The following DSCAML1 variants were observed in gnomAD, a reference collection of about 807,000 sequenced individuals.
DSCAML1 encodes DS cell adhesion molecule like 1, also known as cell adhesion molecule DSCAML1.
Under a neutral mutation model 200.5 loss-of-function variants are expected in DSCAML1, and 38 were observed. The observed-to-expected ratio is 0.19, with a 90% CI of 0.15 to 0.25. The LOEUF is 0.25. Ranked by LOEUF, DSCAML1 falls within the 10% of genes least tolerant of loss-of-function variation. DSCAML1 has a pLI of 1.00. For missense variants in DSCAML1, 2,223 were observed against 2,858.8 expected, an observed-to-expected ratio of 0.78 and a Z score of 5.07; for synonymous variants, 1,215 against 1,165.0, an observed-to-expected ratio of 1.04 and a Z score of -0.87.
chr11:117,517,879 C>T (rs1240791001), intron 7 of DSCAML1, among the ~76,000 whole-genome samples: 1 of 152,216 alleles, frequency 6.6e-6, no homozygotes, highest in Non-Finnish European at 1.5e-5. Context: ...CTCTTGGAGG[C>T]TGCCTTCCTT....
chr11:117,672,793 G>C (rs1285115301), intron 3 of DSCAML1, among the ~76,000 whole-genome samples: 3 of 152,198 alleles, frequency 2.0e-5, no homozygotes, highest in African/African-American at 7.2e-5. Flanking sequence ...AAGACTCGGG[G>C]TATCATACAA....
At chr11:117,600,746 C>T (rs2051450407) in intron 3 of DSCAML1, among the ~76,000 whole-genome samples, 2 of 152,202 alleles carry the variant, frequency 1.3e-5, no homozygotes, top group African/African-American at 4.8e-5. Flanking sequence ...TGCCACGTGG[C>T]TGTGGAGATG....
intron 3 of DSCAML1, among the ~76,000 whole-genome samples, chr11:117,607,907 G>A (rs1393928312): frequency 6.6e-6 from 1 of 152,242 alleles, no homozygotes; most frequent in African/African-American, 2.4e-5. Flanking sequence ...AACCTCACAA[G>A]AGCATGTATG....
chr11:117,776,903 A>C lies in DSCAML1; in HGVS notation c.399T>G (p.Asp133Glu). ...FREPYTVRVE[D>E]QRSMRGNVAV... Reference sequence around the variant, plus strand: ...CCACGTTGCCACGCATTGACCTTTGATCCTCCACCCGGACGGTGTAGGGTT... The same window carrying C: ...CCACGTTGCCACGCATTGACCTTTGCTCCTCCACCCGGACGGTGTAGGGTT... Residue 133 changes from aspartate to glutamate, a missense_variant, in exon 3 of 33, where the codon GAT (aspartate) becomes GAG (glutamate). Physicochemically the swap from Asp to Glu is conservative, Grantham distance 45. Around this residue, in one of 7 missense-constraint regions of DSCAML1, gnomAD observed 579 missense variants for 721.5 expected, o/e 0.80. Coordinates refer to ENST00000651296, the MANE Select transcript of DSCAML1 (RefSeq NM_020693.4). 6.2e-7 allele frequency: 1 copy of C among 1,614,086 alleles called. No individual in the cohort carries two copies. Among genetic ancestry groups the C allele is most frequent in the Non-Finnish European group, 8.5e-7 (1 of 1,180,018 alleles).
At chr11:117,692,805 T>C (rs1423884589) in intron 3 of DSCAML1, among the ~76,000 whole-genome samples, 1 of 152,178 alleles carries the variant, frequency 6.6e-6, no homozygotes, top group Non-Finnish European at 1.5e-5. Flanking sequence ...TCCGTTGAAA[T>C]GACTCCCCTG....
rs1214370816 is a variant in DSCAML1 at position 117,518,362 on chromosome 11, A to G, written c.1510+104T>C. ...GAGAGAGACCTCTACTAAAATCAAA[A>G]TGACGATTAATAATAAGTACTAATC... On this transcript the variant is annotated intron_variant, in intron 7 of 32. Coordinates refer to ENST00000651296, the MANE Select transcript of DSCAML1 (RefSeq NM_020693.4). The surrounding 1 kb of genome is among the most constrained non-coding windows in gnomAD (Gnocchi z 6.3). 5.3e-6 allele frequency: 8 copies of G among 1,499,344 alleles called. No individual in the cohort carries two copies. Among genetic ancestry groups the G allele is most frequent in the East Asian group, 2.3e-5 (1 of 44,346 alleles). 92.9% of individuals were successfully genotyped at this position (1,499,344 alleles called of 1,614,324 possible).
At chr11:117,490,558 C>T (rs565825297) in intron 11 of DSCAML1, among the ~76,000 whole-genome samples, 1 of 152,174 alleles carries the variant, frequency 6.6e-6, no homozygotes, top group African/African-American at 2.4e-5. Flanking sequence ...GGGGCAGGCC[C>T]GCTCCTTGCA....
At chr11:117,598,160 C>T (rs192105054) in intron 3 of DSCAML1, among the ~76,000 whole-genome samples, 7 of 152,354 alleles carry the variant, frequency 4.6e-5, no homozygotes, top group Admixed American at 1.3e-4. Context: ...CTCCCTTCTC[C>T]TCCACTGTCC....
At chr11:117,493,394 G>A (rs2049226060) in intron 11 of DSCAML1, among the ~76,000 whole-genome samples, 1 of 149,912 alleles carries the variant, frequency 6.7e-6, no homozygotes. Flanking sequence ...TTAGCTCACT[G>A]CAACCTCCCC....
intron 19 of DSCAML1, among the ~76,000 whole-genome samples, chr11:117,458,519 G>A (rs2048417600): frequency 6.6e-6 from 1 of 152,018 alleles, no homozygotes; most frequent in Admixed American, 6.5e-5. Context: ...ATGCTGCAGA[G>A]AGCAGGTGTG....
At chr11:117,473,777 G>A (rs1181679212) in intron 14 of DSCAML1, among the ~76,000 whole-genome samples, 1 of 152,182 alleles carries the variant, frequency 6.6e-6, no homozygotes, top group Non-Finnish European at 1.5e-5. Flanking sequence ...TTTTCTCTTT[G>A]TATTTTAAAA....
At chr11:117,798,153 TC>T (rs147533651), upstream of DSCAML1, among the ~76,000 whole-genome samples, 1,206 of 152,328 alleles carry the variant, frequency 7.9e-3, 14 homozygotes, top group Middle Eastern at 0.031. Context: ...GATCCAGGTA[TC>T]CCTGAGAATG....
At chr11:117,512,677 CACACACACAT>C (rs1323450066) in intron 8 of DSCAML1, among the ~76,000 whole-genome samples, 132 of 71,180 alleles carry the variant, frequency 1.9e-3, no homozygotes, top group African/African-American at 5.4e-3. Flanking sequence ...CACACACACA[CACACACACAT>C]GCCTGCTATG....
At chr11:117,652,040 C>T (rs941061574) in intron 3 of DSCAML1, among the ~76,000 whole-genome samples, 1 of 152,188 alleles carries the variant, frequency 6.6e-6, no homozygotes, top group Non-Finnish European at 1.5e-5. Flanking sequence ...GTGCTCTTGG[C>T]CTTGCCTCCT....
chr11:117,781,499 C>G (rs962793648), intron 1 of DSCAML1, among the ~76,000 whole-genome samples: 1 of 152,178 alleles, frequency 6.6e-6, no homozygotes, highest in Non-Finnish European at 1.5e-5. Flanking sequence ...TGAATGGCTA[C>G]AGGAGCTGGG....
chr11:117,430,456 C>T (rs749980276), intron 32 of DSCAML1, among the ~76,000 whole-genome samples: 7 of 152,222 alleles, frequency 4.6e-5, no homozygotes, highest in African/African-American at 1.4e-4. Context: ...TAGATACTAT[C>T]GTTGGCATTT....
chr11:117,696,923 T>C (rs2053595731), intron 3 of DSCAML1, among the ~76,000 whole-genome samples: 1 of 152,194 alleles, frequency 6.6e-6, no homozygotes, highest in African/African-American at 2.4e-5. Context: ...AGGCAGCTGC[T>C]GGCATTTAAG....
chr11:117,666,309 C>A (rs114236311), intron 3 of DSCAML1, among the ~76,000 whole-genome samples: 8 of 152,144 alleles, frequency 5.3e-5, no homozygotes, highest in Admixed American at 5.2e-4. Context: ...ATCACACATG[C>A]AAAGAACCCA....
intron 3 of DSCAML1, among the ~76,000 whole-genome samples, chr11:117,591,282 C>T (rs985096322): frequency 2.6e-5 from 4 of 152,174 alleles, no homozygotes; most frequent in African/African-American, 9.7e-5. Flanking sequence ...ACCCTAGCAC[C>T]CCCAAAGTTT....
Sources: gnomAD v4.1 joint callset for allele counts (sites outside exome capture counted in the v4.1 genomes callset) on GRCh38, gnomAD v4.1.1 for gene constraint, gnomAD v4.1.1 regional missense constraint, Gnocchi (gnomAD v3.1) non-coding constraint, MANE v1.5 for transcripts, NCBI Gene and HGNC (gene_info 2026-07-23, HGNC 2026-07-21) for gene names.